The following DYNC1I1 variants were observed in gnomAD, a reference collection of about 807,000 sequenced individuals.
DYNC1I1 encodes the protein dynein cytoplasmic 1 intermediate chain 1.
Under a neutral mutation model 86.6 loss-of-function variants are expected in DYNC1I1, and 43 were observed. The ratio of observed to expected loss-of-function variants is 0.50; its 90% CI spans 0.39 to 0.64. DYNC1I1 has a LOEUF of 0.64. Among genes scored for constraint, DYNC1I1 ranks in the 30% least tolerant of loss-of-function variants. The probability of loss-of-function intolerance (pLI) is 0.00; values close to 1 mark genes in which losing one functional copy is unlikely to be tolerated. For synonymous variants in DYNC1I1, 262 were observed against 283.7 expected (o/e 0.92, Z 0.77); for missense variants, 604 against 788.8 (o/e 0.77, Z 2.81).
At chr7:95,880,707 G>A (rs945977326) in intron 6 of DYNC1I1, among the ~76,000 whole-genome samples, 11 of 140,890 alleles carry the variant, frequency 7.8e-5, no homozygotes, top group African/African-American at 2.7e-4. Context: ...GTACAGTGAC[G>A]TGTTCTCAGC....
At chr7:95,878,543 A>G (rs192521114) in intron 6 of DYNC1I1, among the ~76,000 whole-genome samples, 1 of 152,304 alleles carries the variant, frequency 6.6e-6, no homozygotes, top group African/African-American at 2.4e-5. Context: ...GAAGATGAGA[A>G]AGGATAAACA....
At chr7:96,082,203 A>C (rs567736142) in intron 16 of DYNC1I1, among the ~76,000 whole-genome samples, 17 of 152,252 alleles carry the variant, frequency 1.1e-4, no homozygotes, top group African/African-American at 3.9e-4. Flanking sequence ...CATCAAAGTA[A>C]AACTAAACAA....
intron 16 of DYNC1I1, among the ~76,000 whole-genome samples, chr7:96,081,348 C>A (rs530509743): frequency 3.3e-5 from 5 of 151,174 alleles, no homozygotes; most frequent in Admixed American, 1.3e-4. Flanking sequence ...AAAACAACTA[C>A]ACCTTTTATT....
chr7:96,048,567 A>G (rs1789291210), intron 14 of DYNC1I1, among the ~76,000 whole-genome samples: 1 of 152,330 alleles, frequency 6.6e-6, no homozygotes, highest in Admixed American at 6.5e-5. Context: ...CAAGTAATCC[A>G]GATGTTGCTA....
chr7:96,037,503 G>A (rs1455171374), intron 13 of DYNC1I1, among the ~76,000 whole-genome samples: 3 of 152,184 alleles, frequency 2.0e-5, no homozygotes, highest in African/African-American at 7.2e-5. Flanking sequence ...TAGTAGGCCA[G>A]ACCTGGAGTC....
At chr7:95,783,901 A>G (rs1794061260) in intron 1 of DYNC1I1, among the ~76,000 whole-genome samples, 1 of 152,194 alleles carries the variant, frequency 6.6e-6, no homozygotes, top group South Asian at 2.1e-4. Context: ...AATAGTATCT[A>G]CTTCCTAGTG....
At chr7:95,936,576 G>T (rs1160386409) in intron 6 of DYNC1I1, among the ~76,000 whole-genome samples, 1 of 151,914 alleles carries the variant, frequency 6.6e-6, no homozygotes, top group Non-Finnish European at 1.5e-5. Context: ...ATATAAGGAA[G>T]AGAAGAAAAT....
chr7:95,967,255 CA>C (rs1165836525), intron 6 of DYNC1I1, among the ~76,000 whole-genome samples: 2 of 151,934 alleles, frequency 1.3e-5, no homozygotes, highest in African/African-American at 4.8e-5. Flanking sequence ...ATTGGATGAA[CA>C]AAAGGTTGTA....
rs559562728 is a variant in DYNC1I1, at chr7:96,010,999, C to T, written c.969+14926C>T. ...AACTGAGTTCATTATTTAAATTATA[C>T]GGGAAAATTGAATTCTTATTGCCTT... On this transcript the variant is annotated intron_variant, in intron 10 of 16. Transcript: ENST00000447467. Among the ~76,000 whole-genome samples, 9 of 152,242 alleles carry T rather than the reference C, an allele frequency of 5.9e-5. No homozygotes were observed. The South Asian group carries it at 6.2e-4, about 11-fold the overall frequency.
At chr7:95,853,226 T>G (rs1006724424) in intron 5 of DYNC1I1, among the ~76,000 whole-genome samples, 1 of 152,198 alleles carries the variant, frequency 6.6e-6, no homozygotes, top group Non-Finnish European at 1.5e-5. Context: ...TATTAAGAAG[T>G]GAGATCTTTA....
chr7:96,033,128 A>G (rs1228903756), intron 12 of DYNC1I1, among the ~76,000 whole-genome samples: 1 of 152,224 alleles, frequency 6.6e-6, no homozygotes, highest in African/African-American at 2.4e-5. Flanking sequence ...AGCTCAGCAG[A>G]GCAATCCCTT....
downstream of DYNC1I1, among the ~76,000 whole-genome samples, chr7:96,102,216 G>A (rs1791147041): frequency 6.6e-6 from 1 of 152,252 alleles, no homozygotes; most frequent in Admixed American, 6.5e-5. Context: ...TTTGCCTTGG[G>A]GCTATGCTAA....
chr7:95,877,386 A>G (rs573355370), intron 6 of DYNC1I1, among the ~76,000 whole-genome samples: 20 of 152,304 alleles, frequency 1.3e-4, no homozygotes, highest in Admixed American at 1.1e-3. Context: ...TAAGTAGACC[A>G]GAAGCAATAG....
chr7:96,106,490 G>A (rs749633667), intron 16 of DYNC1I1, among the ~76,000 whole-genome samples: 8 of 151,862 alleles, frequency 5.3e-5, no homozygotes, highest in African/African-American at 1.7e-4. Context: ...AGCCAAGATC[G>A]CGCCATTGCA....
intron 1 of DYNC1I1, among the ~76,000 whole-genome samples, chr7:95,803,779 G>A (rs1336065318): frequency 6.6e-6 from 1 of 152,088 alleles, no homozygotes; most frequent in Non-Finnish European, 1.5e-5. Flanking sequence ...ATTTGGGCGA[G>A]GGCAGCTCTT....
chr7:96,035,852 C>G, intron 13 of DYNC1I1, 100 bp downstream of exon 13: 1 of 1,558,132 alleles, frequency 6.4e-7, no homozygotes, highest in Non-Finnish European at 8.7e-7. Flanking sequence ...GAAAGCATCT[C>G]TGGAAAAATG....
intron 5 of DYNC1I1, among the ~76,000 whole-genome samples, chr7:95,857,964 A>G (rs568538450): frequency 8.3e-4 from 126 of 152,336 alleles, no homozygotes; most frequent in Non-Finnish European, 1.7e-3. Context: ...GTCTGTGATC[A>G]TTGTGGTCCT....
intron 6 of DYNC1I1, among the ~76,000 whole-genome samples, chr7:95,940,646 T>C (rs4729227): frequency 0.68 from 104,014 of 152,126 alleles, 36,428 homozygotes; most frequent in East Asian, 0.9. Context: ...CTTTCAGCTC[T>C]ATCAGCTCCT....
At chr7:96,055,301 C>T (rs1338198289) in intron 14 of DYNC1I1, among the ~76,000 whole-genome samples, 2 of 151,950 alleles carry the variant, frequency 1.3e-5, no homozygotes, top group African/African-American at 2.4e-5. Flanking sequence ...GGAGAAATAC[C>T]TAATGTAGAT....
Sources: gnomAD v4.1 joint callset for allele counts (sites outside exome capture counted in the v4.1 genomes callset) on GRCh38, gnomAD v4.1.1 for gene constraint, MANE v1.5 for transcripts, NCBI Gene and HGNC (gene_info 2026-07-23, HGNC 2026-07-21) for gene names.